The following NIBAN2 variants were observed in gnomAD, a reference collection of about 807,000 sequenced individuals.
NIBAN2 encodes the protein protein Niban 2.
A neutral mutation model predicts 81.8 loss-of-function variants in NIBAN2; 36 were observed. That is an observed-to-expected ratio of 0.44 (90% confidence interval 0.34 to 0.58). The LOEUF is 0.58. NIBAN2 is among the 20% of genes least tolerant of loss of function. The pLI is 0.02. For missense variants in NIBAN2, 897 were observed against 1,014.1 expected, an observed-to-expected ratio of 0.88 and a Z score of 1.57; for synonymous variants, 445 against 441.6, an observed-to-expected ratio of 1.01 and a Z score of -0.10.
rs1588151641 is a variant in NIBAN2, at chr9:127,510,443, T to C, written c.974-110A>G. 25 of 702,908 alleles carry C rather than the reference T, an allele frequency of 3.6e-5. No individual in the cohort carries two copies. In the East Asian group the frequency reaches 8.3e-4, roughly 23 times the overall value. 43.5% of individuals were successfully genotyped at this position (702,908 alleles called of 1,614,324 possible). A position where few individuals can be genotyped will look rare whatever the true frequency, so the allele number is the denominator to read the frequency against. On this transcript the variant is annotated intron_variant, in intron 8 of 13. Coordinates refer to ENST00000373312, the MANE Select transcript of NIBAN2 (RefSeq NM_022833.4). Reference sequence around the variant, plus strand: ...GTATTACTATTATTATCATTATTATTATATTTTTTTTGAGACGGAGTCTCG... The same window carrying C: ...GTATTACTATTATTATCATTATTATCATATTTTTTTTGAGACGGAGTCTCG...
At position 127,508,130 on chromosome 9, in the gene NIBAN2, G is replaced by A. The variant is rs762335780; in HGVS notation, c.1505C>T (p.Pro502Leu). 6 of 1,613,616 alleles carry A rather than the reference G, an allele frequency of 3.7e-6. No individual in the cohort carries two copies. The highest frequency in any genetic ancestry group is 3.3e-5 in the Admixed American group (2 of 60,020). Residue 502 changes from proline to leucine, a missense_variant, in exon 12 of 14, where the codon CCG (proline) becomes CTG (leucine). By Grantham distance (98) the Pro-to-Leu change is moderately conservative (BLOSUM62 -3). This residue lies in a region of NIBAN2 where 619 missense variants were observed against 691.0 expected (regional missense o/e 0.90). Coordinates refer to ENST00000373312, the MANE Select transcript of NIBAN2 (RefSeq NM_022833.4). This position sits in a 1 kb window ranked among gnomAD's most constrained non-coding sequence, Gnocchi z 6.4. ...AGGGGCCAGCTTCTTGAGCAGGAACGGGATGCTGATCTGCAGCAGCGCCTC... is the reference window on the plus strand; with the variant it reads ...AGGGGCCAGCTTCTTGAGCAGGAACAGGATGCTGATCTGCAGCAGCGCCTC... The part of the protein sequence containing the change: ...FREALLQISI[P>L]FLLKKLAPTC...
intron 1 of NIBAN2, among the ~76,000 whole-genome samples, chr9:127,533,758 G>C (rs975716868): frequency 1.3e-5 from 2 of 152,270 alleles, no homozygotes; most frequent in Admixed American, 1.3e-4. Flanking sequence ...TGGTGTGGGA[G>C]TGGGGAGTAC....
At chr9:127,550,670 C>T (rs145276873) in intron 1 of NIBAN2, among the ~76,000 whole-genome samples, 29 of 152,344 alleles carry the variant, frequency 1.9e-4, no homozygotes, top group African/African-American at 7.0e-4. Context: ...GGGACAGACA[C>T]TTCCCAGCCC....
rs753298867 is a variant in NIBAN2, at chr9:127,508,394, G to C, written c.1434+28C>G. 1.3e-6 allele frequency: 2 copies of C among 1,570,492 alleles called. No individual in the cohort carries two copies. Among genetic ancestry groups the C allele is most frequent in the Non-Finnish European group, 1.7e-6 (2 of 1,149,242 alleles). ...TCGGGGCTCGGCCTCGCCTAGGACGGTCCGGGGCAGGGCGTGGGGCCGCTC... is the reference window on the plus strand; with the variant it reads ...TCGGGGCTCGGCCTCGCCTAGGACGCTCCGGGGCAGGGCGTGGGGCCGCTC... On this transcript the variant is annotated intron_variant, in intron 11 of 13. Transcript: ENST00000373312. The surrounding 1 kb of genome is among the most constrained non-coding windows in gnomAD (Gnocchi z 6.4).
rs1050755754 is a variant in NIBAN2 at position 127,505,428 on chromosome 9, C to G, written c.*1417G>C. ...CAATATCAGGGAGGGATGATGGGAA[C>G]CCCTCAAAAGGCACTAGAGGCGCAG... On this transcript the variant is annotated 3_prime_UTR_variant, in exon 14 of 14. Coordinates refer to ENST00000373312, the MANE Select transcript of NIBAN2 (RefSeq NM_022833.4). 1 of 152,672 alleles carries G rather than the reference C, an allele frequency of 6.5e-6. No individual in the cohort carries two copies. The highest frequency in any genetic ancestry group is 1.5e-5 in the Non-Finnish European group (1 of 68,054). The allele number at this position is 152,672 out of a possible 1,614,324, so 9.5% of individuals were successfully genotyped here. A position where few individuals can be genotyped will look rare whatever the true frequency, so the allele number is the denominator to read the frequency against.
chr9:127,520,874 C>A (rs1202729345), intron 5 of NIBAN2, among the ~76,000 whole-genome samples: 6 of 151,928 alleles, frequency 3.9e-5, no homozygotes, highest in African/African-American at 7.3e-5. Flanking sequence ...ACAGAGCAAG[C>A]CTCTGTCTCA....
At position 127,506,918 on chromosome 9, in the gene NIBAN2, A is replaced by G. The variant is rs774165481; in HGVS notation, c.2168T>C (p.Val723Ala). Residue 723 changes from valine to alanine, a missense_variant, in exon 14 of 14, where the codon GTG becomes GCG. By Grantham distance (64) the Val-to-Ala change is moderately conservative. Around this residue, in one of 3 missense-constraint regions of NIBAN2, gnomAD observed 619 missense variants for 691.0 expected, o/e 0.90. Coordinates refer to ENST00000373312, the MANE Select transcript of NIBAN2 (RefSeq NM_022833.4). ...KPSDQETGEQ[V>A]SSPSSHPALH... ...GGCGGGGTGGCTGCTGGGGCTGGAC[A>G]CCTGCTCTCCAGTCTCCTGGTCGCT... The G allele has an allele frequency of 6.2e-7, 1 of 1,611,994 alleles. No individual in the cohort carries two copies.
chr9:127,512,934 TC>T (rs1836763331), intron 8 of NIBAN2, among the ~76,000 whole-genome samples: 1 of 152,166 alleles, frequency 6.6e-6, no homozygotes, highest in Non-Finnish European at 1.5e-5. Context: ...TTGTTGCGGC[TC>T]TGTTCACAAC....
chr9:127,530,125 TCTTTC>T (rs1462239995), intron 2 of NIBAN2, among the ~76,000 whole-genome samples: 3 of 152,284 alleles, frequency 2.0e-5, no homozygotes, highest in Middle Eastern at 3.4e-3. Flanking sequence ...GGCCTCCTTT[TCTTTC>T]CTTTCCTACC....
At position 127,508,167 on chromosome 9, in the gene NIBAN2, T is replaced by C; in HGVS notation, c.1468A>G (p.Arg490Gly). 1 of 1,613,598 alleles carries C rather than the reference T, an allele frequency of 6.2e-7. No homozygotes were observed. The highest frequency in any genetic ancestry group is 2.2e-5 in the East Asian group (1 of 44,866). ...TGCAGCAGCGCCTCCCGGAAGAACCTCTTCCGCACAGAGCTGCTGTCGTAG... is the reference window on the plus strand; with the variant it reads ...TGCAGCAGCGCCTCCCGGAAGAACCCCTTCCGCACAGAGCTGCTGTCGTAG... The part of the protein sequence containing the change: ...YDYDSSSVRK[R>G]FFREALLQIS... The change falls in exon 12 of 14, where the codon AGG becomes GGG. Residue 490 changes from arginine to glycine, a missense_variant. By Grantham distance (125) the Arg-to-Gly change is moderately radical. Around this residue, in one of 3 missense-constraint regions of NIBAN2, gnomAD observed 619 missense variants for 691.0 expected, o/e 0.90. Coordinates refer to ENST00000373312, the MANE Select transcript of NIBAN2 (RefSeq NM_022833.4). This position sits in a 1 kb window ranked among gnomAD's most constrained non-coding sequence, Gnocchi z 6.4.
At chr9:127,534,155 T>G (rs1837232687) in intron 1 of NIBAN2, among the ~76,000 whole-genome samples, 1 of 152,196 alleles carries the variant, frequency 6.6e-6, no homozygotes, top group Non-Finnish European at 1.5e-5. Context: ...AGCCTCGGTT[T>G]CCCCCATGCA....
rs1223201839 is a variant in NIBAN2, at chr9:127,569,063, C to G, written c.-189G>C. On this transcript the variant is annotated 5_prime_UTR_variant, in exon 1 of 14. Coordinates refer to ENST00000373312, the MANE Select transcript of NIBAN2 (RefSeq NM_022833.4). ...TCCCGGTCGGGCCCCGTCCCTCCAG[C>G]CGGCCGCCTTGGCCCCCTCCCTGCC... 20 of 1,078,660 alleles carry G rather than the reference C, an allele frequency of 1.9e-5. No homozygotes were observed. The highest frequency in any genetic ancestry group is 2.2e-5 in the Non-Finnish European group (20 of 891,906). The allele number at this position is 1,078,660 out of a possible 1,614,324, so 66.8% of individuals were successfully genotyped here. A position where few individuals can be genotyped will look rare whatever the true frequency, so the allele number is the denominator to read the frequency against.
Position 127,517,010 on chromosome 9 carries a change from C to A in NIBAN2, c.820G>T (p.Ala274Ser), listed in dbSNP as rs901693409. Residue 274 changes from alanine (A) to serine (S), a missense_variant, in exon 8 of 14, where the codon GCC becomes TCC. Ala to Ser is a moderately conservative substitution (Grantham distance 99). Coordinates refer to ENST00000373312, the MANE Select transcript of NIBAN2 (RefSeq NM_022833.4). This position sits in a 1 kb window ranked among gnomAD's most constrained non-coding sequence, Gnocchi z 4.0. Reference sequence around the variant, plus strand: ...TGCTCGTACACCATGTGGTACACGGCGTCCGAGATCTGTGGGCAGAGCAGC... The same window carrying A: ...TGCTCGTACACCATGTGGTACACGGAGTCCGAGATCTGTGGGCAGAGCAGC... ...RQRQWIQISD[A>S]VYHMVYEQAK... The A allele has an allele frequency of 1.2e-6, 2 of 1,613,212 alleles. No homozygotes were observed. The highest frequency in any genetic ancestry group is 1.7e-6 in the Non-Finnish European group (2 of 1,179,582).
rs1240863453 is a variant in NIBAN2, at chr9:127,561,116, C to T, written c.55+7704G>A. ...CCTCTGTGCACTGCCAAATGCCAGGCACAGAGTGGATGCTGCTGCGGAGTG... is the reference window on the plus strand; with the variant it reads ...CCTCTGTGCACTGCCAAATGCCAGGTACAGAGTGGATGCTGCTGCGGAGTG... On this transcript the variant is annotated intron_variant, in intron 1 of 13. Coordinates refer to ENST00000373312, the MANE Select transcript of NIBAN2 (RefSeq NM_022833.4). The T allele has an allele frequency of 5.1e-6, 5 of 985,332 alleles. No individual in the cohort carries two copies. The East Asian group carries it at 4.5e-4, about 90-fold the overall frequency. 61.0% of individuals were successfully genotyped at this position (985,332 alleles called of 1,614,324 possible). A position where few individuals can be genotyped will look rare whatever the true frequency, so the allele number is the denominator to read the frequency against.
intron 8 of NIBAN2, 86 bp downstream of exon 8, chr9:127,516,771 C>A: frequency 7.4e-7 from 1 of 1,359,830 alleles, no homozygotes; most frequent in South Asian, 1.3e-5. Flanking sequence ...CAAGTCATTG[C>A]TGTGAAATTT....
At chr9:127,537,293 G>A (rs75298350) in intron 1 of NIBAN2, among the ~76,000 whole-genome samples, 4,622 of 152,294 alleles carry the variant, frequency 0.03, 91 homozygotes, top group Non-Finnish European at 0.048. Context: ...CTGCAGGACC[G>A]GATAGCGTTT....
chr9:127,564,637 T>C (rs1486027805), intron 1 of NIBAN2, among the ~76,000 whole-genome samples: 3 of 151,406 alleles, frequency 2.0e-5, no homozygotes, highest in Non-Finnish European at 4.4e-5. Flanking sequence ...CTTTGGGAGG[T>C]CGAGGTGGGT....
intron 1 of NIBAN2, among the ~76,000 whole-genome samples, chr9:127,578,247 G>A (rs1028528477): frequency 9.3e-5 from 14 of 150,838 alleles, no homozygotes; most frequent in South Asian, 6.3e-4. Flanking sequence ...AATCCCATCC[G>A]GGAGGCTGAG....
Position 127,540,239 on chromosome 9 carries a change from A to T in NIBAN2, c.56-8461T>A, listed in dbSNP as rs896932954. On this transcript the variant is annotated intron_variant, in intron 1 of 13. Coordinates refer to ENST00000373312, the MANE Select transcript of NIBAN2 (RefSeq NM_022833.4). The stretch of plus-strand genomic sequence containing the variant: ...CCTGTGCAGATAGTGAGGCTGGGCA[A>T]GAACTGGGGAGGCCCCAGGGTGGCC... Among the ~76,000 whole-genome samples the T allele has an allele frequency of 6.6e-5, 10 of 152,224 alleles. No homozygotes were observed. In the East Asian group the frequency reaches 1.7e-3, roughly 26 times the overall value.
Sources: gnomAD v4.1 joint callset for allele counts (sites outside exome capture counted in the v4.1 genomes callset) on GRCh38, gnomAD v4.1.1 for gene constraint, gnomAD v4.1.1 regional missense constraint, Gnocchi (gnomAD v3.1) non-coding constraint, MANE v1.5 for transcripts, NCBI Gene and HGNC (gene_info 2026-07-23, HGNC 2026-07-21) for gene names.